Variants in CCDC85A observed in about 807,000 individuals in gnomAD.
CCDC85A encodes the protein coiled-coil domain containing 85A, also known as coiled-coil domain-containing protein 85A.
Under a neutral mutation model 50.2 loss-of-function variants are expected in CCDC85A, and 38 were observed. The ratio of observed to expected loss-of-function variants is 0.76; its 90% CI spans 0.58 to 0.99. CCDC85A has a LOEUF of 0.99. Ranked by LOEUF, CCDC85A falls within the 50% of genes least tolerant of loss-of-function variation. CCDC85A has a pLI of 0.00. For synonymous variants in CCDC85A, 366 were observed against 301.4 expected (o/e 1.21, Z -2.22); for missense variants, 820 against 742.0 (o/e 1.11, Z -1.22).
At chr2:56,367,254 T>C (rs1408349766) in intron 3 of CCDC85A, among the ~76,000 whole-genome samples, 2 of 152,206 alleles carry the variant, frequency 1.3e-5, no homozygotes, top group Non-Finnish European at 2.9e-5. Flanking sequence ...GCTAGTGTTG[T>C]TACAGTAGGA....
chr2:56,278,567 A>T (rs978976353), intron 2 of CCDC85A, among the ~76,000 whole-genome samples: 7 of 151,762 alleles, frequency 4.6e-5, no homozygotes, highest in Admixed American at 4.6e-4. Context: ...GTCTATTTTT[A>T]TTTTTTATTA....
chr2:56,383,628 C>G (rs2104411775), intron 5 of CCDC85A: 3 of 985,034 alleles, frequency 3.0e-6, no homozygotes, highest in Non-Finnish European at 3.6e-6. Flanking sequence ...AAATCCAAGA[C>G]ATCATATTGC....
At chr2:56,288,125 A>G (rs1671531065) in intron 2 of CCDC85A, among the ~76,000 whole-genome samples, 1 of 152,190 alleles carries the variant, frequency 6.6e-6, no homozygotes, top group Admixed American at 6.5e-5. Context: ...CACTAATGCC[A>G]TGGTAATTAT....
At chr2:56,383,488 A>T in intron 5 of CCDC85A, 1 of 586,958 alleles carries the variant, frequency 1.7e-6, no homozygotes, top group Non-Finnish European at 2.1e-6. Flanking sequence ...GTTTATGCTT[A>T]CATTATTCTT....
intron 2 of CCDC85A, among the ~76,000 whole-genome samples, chr2:56,237,735 C>T (rs565980773): frequency 6.4e-3 from 443 of 68,700 alleles, no homozygotes; most frequent in South Asian, 0.01. Context: ...CTAACCCTAA[C>T]CATTAATTTT....
intron 2 of CCDC85A, among the ~76,000 whole-genome samples, chr2:56,297,660 A>G (rs1403117975): frequency 6.6e-6 from 1 of 152,166 alleles, no homozygotes; most frequent in African/African-American, 2.4e-5. Context: ...CCTTTTCCTC[A>G]GTAAGGTCAG....
At chr2:56,275,503 T>C (rs544732502) in intron 2 of CCDC85A, among the ~76,000 whole-genome samples, 2 of 151,990 alleles carry the variant, frequency 1.3e-5, no homozygotes, top group South Asian at 4.2e-4. Context: ...TTTAACATCA[T>C]ATAGACCACT....
chr2:56,223,583 A>C (rs1420848773), intron 2 of CCDC85A, among the ~76,000 whole-genome samples: 2 of 152,234 alleles, frequency 1.3e-5, no homozygotes, highest in South Asian at 4.1e-4. Flanking sequence ...ACCATTTTAC[A>C]GGTCAGTTAC....
intron 2 of CCDC85A, among the ~76,000 whole-genome samples, chr2:56,197,872 G>T (rs538505335): frequency 6.6e-6 from 1 of 152,318 alleles, no homozygotes; most frequent in South Asian, 2.1e-4. Context: ...ATATGAGTAG[G>T]CTCATGACTG....
At chr2:56,187,123 T>C (rs1385082493) in intron 1 of CCDC85A, among the ~76,000 whole-genome samples, 3 of 152,184 alleles carry the variant, frequency 2.0e-5, no homozygotes, top group African/African-American at 7.2e-5. Flanking sequence ...TAGTAATCCA[T>C]AAATGTGGTT....
chr2:56,311,984 G>A (rs1672714466), intron 2 of CCDC85A, among the ~76,000 whole-genome samples: 1 of 152,272 alleles, frequency 6.6e-6, no homozygotes, highest in East Asian at 1.9e-4. Flanking sequence ...GTCCTTGGAA[G>A]CTCAGATAAA....
chr2:56,370,392 T>C (rs983081259), intron 3 of CCDC85A, among the ~76,000 whole-genome samples: 50 of 152,176 alleles, frequency 3.3e-4, no homozygotes, highest in South Asian at 2.3e-3. Context: ...AACACACTTT[T>C]CTATATACCT....
At chr2:56,189,295 G>GTTTTTTTT (rs773078371) in intron 1 of CCDC85A, among the ~76,000 whole-genome samples, 1 of 100,444 alleles carries the variant, frequency 1.0e-5, no homozygotes, top group Non-Finnish European at 2.0e-5. Flanking sequence ...GGTATTTTTG[G>GTTTTTTTT]TGTTTTTTTT....
chr2:56,273,818 A>T (rs1035533837), intron 2 of CCDC85A, among the ~76,000 whole-genome samples: 1 of 152,066 alleles, frequency 6.6e-6, no homozygotes, highest in African/African-American at 2.4e-5. Context: ...CTAGAAAAAA[A>T]TGGAGTTTAT....
rs147649329 is a variant in CCDC85A, at chr2:56,356,914, C to CA, written c.1317+13966dup. Among the ~76,000 whole-genome samples, 1,365 of 150,938 alleles carry CA rather than the reference C, an allele frequency of 9.0e-3. 26 individuals carry two copies. Among genetic ancestry groups the CA allele is most frequent in the African/African-American group, 0.03 (1,254 of 41,142 alleles). ...GAAACCCCATCTCTACTAAAAAAAC[C>CA]AAAAAAACAAAAAAGTAGGCCAGGC... On this transcript the variant is annotated intron_variant, in intron 3 of 5. Coordinates refer to ENST00000407595, the MANE Select transcript of CCDC85A (RefSeq NM_001080433.2).
At chr2:56,196,998 C>G (rs1676551685) in intron 2 of CCDC85A, among the ~76,000 whole-genome samples, 1 of 152,128 alleles carries the variant, frequency 6.6e-6, no homozygotes, top group Non-Finnish European at 1.5e-5. Context: ...AAACATCACT[C>G]CAGCCAATGA....
intron 2 of CCDC85A, among the ~76,000 whole-genome samples, chr2:56,217,973 C>T (rs1422298113): frequency 6.6e-6 from 1 of 151,756 alleles, no homozygotes; most frequent in South Asian, 2.1e-4. Context: ...GGAAAAGCAT[C>T]ATTGAATTGG....
intron 2 of CCDC85A, among the ~76,000 whole-genome samples, chr2:56,248,658 G>A (rs1669617946): frequency 6.6e-6 from 1 of 152,224 alleles, no homozygotes; most frequent in Non-Finnish European, 1.5e-5. Flanking sequence ...AGAGTGAGGA[G>A]TTAGGGCATG....
rs1669836315 is a variant in CCDC85A, at chr2:56,253,042, A to T, written c.1240+59602A>T. 2.0e-5 allele frequency among the ~76,000 whole-genome samples: 3 copies of T among 151,884 alleles called. No individual in the cohort carries two copies. The South Asian group carries it at 6.2e-4, about 32-fold the overall frequency. ...TCAAAATAAATAAATAAATAAATAA[A>T]TAACAAAAAAAGTAAAATATACAGA... is the stretch of plus-strand genomic sequence containing the variant. On this transcript the variant is annotated intron_variant, in intron 2 of 5. Coordinates refer to ENST00000407595, the MANE Select transcript of CCDC85A (RefSeq NM_001080433.2).
Sources: allele counts gnomAD v4.1 joint callset (sites outside exome capture counted in the v4.1 genomes callset), GRCh38; gene constraint gnomAD v4.1.1; transcripts MANE v1.5; gene names NCBI Gene and HGNC (gene_info 2026-07-23, HGNC 2026-07-21).